The following TENT5D variants were observed in gnomAD, a reference collection of about 807,000 sequenced individuals.
TENT5D encodes terminal nucleotidyltransferase 5D.
For missense variants in TENT5D, 191 were observed against 287.0 expected, an observed-to-expected ratio of 0.67 and a Z score of 2.42; for synonymous variants, 103 against 100.6, an observed-to-expected ratio of 1.02 and a Z score of -0.15.
At chrX:80,400,143 C>G (rs983558383) in intron 3 of TENT5D, among the ~76,000 whole-genome samples, 1 of 111,432 alleles carries the variant, frequency 9.0e-6, no homozygotes, top group East Asian at 2.8e-4. Context: ...GGGCCAAAAA[C>G]CTCAGGACCC....
At chrX:80,357,303 T>C (rs746218428) in intron 3 of TENT5D, among the ~76,000 whole-genome samples, 1 of 109,598 alleles carries the variant, frequency 9.1e-6, no homozygotes. Context: ...GGTCAAATGG[T>C]ATTTCTAGTT....
At chrX:80,339,856 A>AAT (rs750677776) in intron 2 of TENT5D, among the ~76,000 whole-genome samples, 1,842 of 101,861 alleles carry the variant, frequency 0.018, 38 homozygotes, top group African/African-American at 0.042. Flanking sequence ...AGTTATCGGA[A>AAT]ATATATATAT....
At chrX:80,385,108 T>C (rs1295928676) in intron 3 of TENT5D, among the ~76,000 whole-genome samples, 2 of 111,264 alleles carry the variant, frequency 1.8e-5, no homozygotes, top group African/African-American at 3.3e-5. Flanking sequence ...GAGCCCGCAT[T>C]GCCAAGACAA....
intron 3 of TENT5D, among the ~76,000 whole-genome samples, chrX:80,408,027 G>A (rs1931543979): frequency 1.8e-5 from 2 of 109,648 alleles, no homozygotes; most frequent in African/African-American, 6.6e-5. Flanking sequence ...AATGAAGGCA[G>A]AAATAAAGAT....
At chrX:80,381,109 T>C (rs1364466459) in intron 3 of TENT5D, among the ~76,000 whole-genome samples, 1 of 112,104 alleles carries the variant, frequency 8.9e-6, no homozygotes, top group Non-Finnish European at 1.9e-5. Context: ...GTTGTTCCTT[T>C]CCATGTTTAG....
intron 3 of TENT5D, among the ~76,000 whole-genome samples, chrX:80,408,197 A>G (rs1169589303): frequency 2.8e-5 from 3 of 105,858 alleles, no homozygotes; most frequent in Non-Finnish European, 5.9e-5. Context: ...AAGAACTAGA[A>G]AAGCAAGAGC....
chrX:80,398,915 A>C (rs948796856), intron 3 of TENT5D, among the ~76,000 whole-genome samples: 1 of 111,765 alleles, frequency 8.9e-6, no homozygotes, highest in Non-Finnish European at 1.9e-5. Context: ...CAAAAATAAC[A>C]ACGTTGCATG....
chrX:80,371,563 A>G (rs1002632478), intron 3 of TENT5D, among the ~76,000 whole-genome samples: 7 of 112,049 alleles, frequency 6.2e-5, no homozygotes, highest in African/African-American at 2.3e-4. Flanking sequence ...CACCTTCATC[A>G]ATTATCTTAG....
chrX:80,396,058 T>C (rs985047512), intron 3 of TENT5D, among the ~76,000 whole-genome samples: 2 of 109,721 alleles, frequency 1.8e-5, no homozygotes, highest in Middle Eastern at 4.7e-3. Flanking sequence ...TAGCATTCCA[T>C]TGAGTATATA....
chrX:80,335,896 C>G (rs1929839615), intron 2 of TENT5D, among the ~76,000 whole-genome samples: 1 of 110,457 alleles, frequency 9.1e-6, no homozygotes, highest in Non-Finnish European at 1.9e-5. Context: ...TGTATTCGCA[C>G]TAACTTTTTT....
At chrX:80,367,020 A>G (rs905562660) in intron 3 of TENT5D, among the ~76,000 whole-genome samples, 27 of 111,610 alleles carry the variant, frequency 2.4e-4, no homozygotes, top group African/African-American at 7.1e-4. Flanking sequence ...GTAATTTACC[A>G]ATGATTTTAT....
intron 3 of TENT5D, among the ~76,000 whole-genome samples, chrX:80,411,629 A>G (rs915639645): frequency 8.0e-5 from 9 of 112,327 alleles, no homozygotes; most frequent in Non-Finnish European, 1.7e-4. Flanking sequence ...ATTAGACAAA[A>G]AGTATTTTTT....
intron 1 of TENT5D, among the ~76,000 whole-genome samples, chrX:80,438,052 C>T (rs1021549845): frequency 9.0e-6 from 1 of 111,285 alleles, no homozygotes; most frequent in Non-Finnish European, 1.9e-5. Context: ...AGAGCATTCA[C>T]TTTGATTAGA....
At chrX:80,394,417 GACA>G (rs1931198682) in intron 3 of TENT5D, among the ~76,000 whole-genome samples, 1 of 49,881 alleles carries the variant, frequency 2.0e-5, no homozygotes. Context: ...TTTTTTTTGA[GACA>G]GAGTTTCACT....
At chrX:80,400,477 C>T (rs1380528014) in intron 3 of TENT5D, among the ~76,000 whole-genome samples, 1 of 111,840 alleles carries the variant, frequency 8.9e-6, no homozygotes, top group African/African-American at 3.3e-5. Flanking sequence ...CTCTTGACAA[C>T]TTGGCATCCA....
chrX:80,432,840 C>T (rs1419538002), intron 1 of TENT5D, among the ~76,000 whole-genome samples: 3 of 110,437 alleles, frequency 2.7e-5, no homozygotes, highest in Admixed American at 9.6e-5. Flanking sequence ...GGTTGGGGTC[C>T]GGGGTTTTTA....
At chrX:80,443,031 A>T in exon 3 of TENT5D, 1 of 1,211,356 alleles carries the variant, frequency 8.3e-7, no homozygotes, top group Non-Finnish European at 1.1e-6. Context: ...TTGTGAGTTC[A>T]CTCAGACGGC....
chrX:80,365,766 G>A (rs938613723), intron 3 of TENT5D, among the ~76,000 whole-genome samples: 12 of 109,145 alleles, frequency 1.1e-4, no homozygotes, highest in African/African-American at 3.4e-4. Context: ...ACTTGAACCC[G>A]GGAGGCAGAG....
chrX:80,349,414 C>G (rs907540554), intron 3 of TENT5D, among the ~76,000 whole-genome samples: 3 of 111,420 alleles, frequency 2.7e-5, no homozygotes, highest in Non-Finnish European at 5.7e-5. Context: ...AGAATTTATC[C>G]ATTGCTTCTA....
Sources: gnomAD v4.1 joint callset for allele counts (sites outside exome capture counted in the v4.1 genomes callset) on GRCh38, gnomAD v4.1.1 for gene constraint, MANE v1.5 for transcripts, NCBI Gene and HGNC (gene_info 2026-07-23, HGNC 2026-07-21) for gene names.